Variants in ITGB3BP observed in about 807,000 individuals in gnomAD.
ITGB3BP encodes the protein centromere protein R.
ITGB3BP carries 27 observed loss-of-function variants against 29.1 expected under a neutral mutation model. That is an observed-to-expected ratio of 0.93 (90% confidence interval 0.68 to 1.28). The LOEUF (loss-of-function observed/expected upper bound fraction) is 1.28, where lower values mean the gene tolerates loss of function less well. Ranked by LOEUF, ITGB3BP falls within the 50% of genes most tolerant of loss-of-function variation. The pLI is 0.00. For synonymous variants in ITGB3BP, 61 were observed against 61.4 expected, an observed-to-expected ratio of 0.99 and a Z score of 0.03; for missense variants, 192 against 200.2, an observed-to-expected ratio of 0.96 and a Z score of 0.25.
At chr1:63,515,558 T>C (rs190867426) in intron 1 of ITGB3BP, among the ~76,000 whole-genome samples, 24 of 152,142 alleles carry the variant, frequency 1.6e-4, no homozygotes, top group Admixed American at 1.4e-3. Flanking sequence ...CCAGGCACGA[T>C]GGTTCACGCC....
intron 3 of ITGB3BP, among the ~76,000 whole-genome samples, chr1:63,481,901 T>C (rs976930937): frequency 6.6e-6 from 1 of 152,136 alleles, no homozygotes; most frequent in African/African-American, 2.4e-5. Context: ...TCCCAGCCCA[T>C]AAAGTTAGTG....
intron 4 of ITGB3BP, among the ~76,000 whole-genome samples, chr1:63,461,093 A>G (rs1457234660): frequency 1.3e-5 from 2 of 150,994 alleles, no homozygotes; most frequent in Non-Finnish European, 3.0e-5. Context: ...CAAAAAAAAA[A>G]AAAAAAAAAA....
intron 2 of ITGB3BP, among the ~76,000 whole-genome samples, chr1:63,503,909 A>ATTTCCTTCTC (rs1557648465): frequency 5.3e-5 from 8 of 152,098 alleles, no homozygotes; most frequent in African/African-American, 1.7e-4. Flanking sequence ...TGTTTTGGTT[A>ATTTCCTTCTC]CTGTAGCCTT....
chr1:63,452,094 G>A (rs1442565067), intron 7 of ITGB3BP: 1 of 152,048 alleles, frequency 6.6e-6, no homozygotes, highest in Non-Finnish European at 1.5e-5. Context: ...TTTTAAGGCT[G>A]ATCATGCATA....
At chr1:63,508,249 AAT>A (rs2100772328) in intron 2 of ITGB3BP, among the ~76,000 whole-genome samples, 3 of 152,262 alleles carry the variant, frequency 2.0e-5, no homozygotes, top group African/African-American at 7.2e-5. Context: ...TTTTTCCACA[AAT>A]AGTGAATTAA....
In ITGB3BP at chr1:63,483,104, A is replaced by T. The variant is rs74412246; in HGVS notation, c.185-4271T>A. Among the ~76,000 whole-genome samples the T allele has an allele frequency of 0.016, 2,440 of 152,322 alleles. 131 individuals are homozygous for T. In the East Asian group the frequency reaches 0.21, roughly 13 times the overall value. On this transcript the variant is annotated intron_variant, in intron 3 of 8. Coordinates refer to ENST00000271002, the MANE Select transcript of ITGB3BP (RefSeq NM_014288.5). ...CACTTTTTAATCTACTAAAACAGTAATATTTGGGAAGCAGTAACAAAAATA... is the reference window on the plus strand; with the variant it reads ...CACTTTTTAATCTACTAAAACAGTATTATTTGGGAAGCAGTAACAAAAATA...
At chr1:63,485,930 C>T (rs893248389) in intron 3 of ITGB3BP, among the ~76,000 whole-genome samples, 1 of 151,962 alleles carries the variant, frequency 6.6e-6, no homozygotes, top group Admixed American at 6.6e-5. Context: ...CCTGCCCAGA[C>T]TTAGCATGCT....
chr1:63,446,543 T>G, intron 8 of ITGB3BP: 2 of 434,080 alleles, frequency 4.6e-6, no homozygotes, highest in Middle Eastern at 6.6e-4. Flanking sequence ...TACACTCAGT[T>G]AAAAATGTGT....
At chr1:63,453,322 T>A (rs9436674) in intron 7 of ITGB3BP, among the ~76,000 whole-genome samples, 111,514 of 152,094 alleles carry the variant, frequency 0.73, 42,972 homozygotes, top group Non-Finnish European at 0.85. Flanking sequence ...TAAATGGCAT[T>A]CATGTAGGTA....
chr1:63,497,928 T>TC (rs1645830714), intron 2 of ITGB3BP, among the ~76,000 whole-genome samples: 1 of 145,970 alleles, frequency 6.9e-6, no homozygotes, highest in African/African-American at 2.5e-5. Context: ...CCTTTCCCCC[T>TC]TTTTCTTTTT....
chr1:63,522,473 T>C (rs993412769), intron 1 of ITGB3BP, among the ~76,000 whole-genome samples: 7 of 152,182 alleles, frequency 4.6e-5, no homozygotes, highest in African/African-American at 1.4e-4. Context: ...TAAGTTTCTA[T>C]AGGGTAGCAA....
At chr1:63,460,267 A>G (rs1644996048) in intron 4 of ITGB3BP, among the ~76,000 whole-genome samples, 2 of 152,174 alleles carry the variant, frequency 1.3e-5, no homozygotes, top group South Asian at 4.1e-4. Flanking sequence ...ATTACTACAA[A>G]CAGAAACTGT....
intron 2 of ITGB3BP, among the ~76,000 whole-genome samples, chr1:63,504,181 T>G (rs1343821732): frequency 1.3e-5 from 2 of 151,940 alleles, no homozygotes; most frequent in East Asian, 3.8e-4. Flanking sequence ...TATCCTCTTT[T>G]ATTTCATTGA....
rs1169431484 is a variant in ITGB3BP at position 63,465,391 on chromosome 1, A to G, written c.255-10423T>C. ...TCTCTAAACTGTTAAAAGCTTACAA[A>G]AGGTATTTATAGATATTTTACCCGT... On this transcript the variant is annotated intron_variant, in intron 4 of 8. Transcript: ENST00000271002. 2.6e-5 allele frequency among the ~76,000 whole-genome samples: 4 copies of G among 152,008 alleles called. 1 individual carries two copies. Among genetic ancestry groups the G allele is most frequent in the Admixed American group, 2.0e-4 (3 of 15,248 alleles).
chr1:63,476,556 G>A (rs1645343955), intron 4 of ITGB3BP, among the ~76,000 whole-genome samples: 6 of 152,132 alleles, frequency 3.9e-5, no homozygotes. Context: ...CTCTTCCCTT[G>A]CTCCTTGAAG....
At chr1:63,472,055 CCTTT>C (rs1645207109) in intron 4 of ITGB3BP, among the ~76,000 whole-genome samples, 3 of 146,812 alleles carry the variant, frequency 2.0e-5, no homozygotes, top group Non-Finnish European at 3.0e-5. Flanking sequence ...AAGTGAATAA[CCTTT>C]TTTTTTTTTT....
chr1:63,514,356 G>A (rs1195543923), intron 1 of ITGB3BP, among the ~76,000 whole-genome samples: 2 of 152,024 alleles, frequency 1.3e-5, no homozygotes, highest in African/African-American at 2.4e-5. Context: ...GTTTTCCTTA[G>A]CTATACTGCA....
chr1:63,469,892 C>T (rs936239518), intron 4 of ITGB3BP, among the ~76,000 whole-genome samples: 7 of 152,198 alleles, frequency 4.6e-5, no homozygotes, highest in Non-Finnish European at 8.8e-5. Context: ...ATGGCCGTAA[C>T]GCCCACGCTG....
intron 7 of ITGB3BP, 81 bp downstream of exon 7, chr1:63,453,837 A>G: frequency 1.3e-6 from 1 of 795,786 alleles, no homozygotes; most frequent in Non-Finnish European, 2.2e-6. Flanking sequence ...AACCACTAAA[A>G]AGGATTCATG....
Sources: gnomAD v4.1 joint callset for allele counts (sites outside exome capture counted in the v4.1 genomes callset) on GRCh38, gnomAD v4.1.1 for gene constraint, MANE v1.5 for transcripts, NCBI Gene and HGNC (gene_info 2026-07-23, HGNC 2026-07-21) for gene names.